COL23A1: variants seen among roughly 807,000 people sequenced by gnomAD.
The protein encoded by COL23A1 is collagen type XXIII alpha 1 chain.
COL23A1 carries 97 observed loss-of-function variants against 99.3 expected under a neutral mutation model. That is an observed-to-expected ratio of 0.98 (90% CI 0.83 to 1.16). COL23A1 has a LOEUF of 1.16. Ranked by LOEUF, COL23A1 falls within the 50% of genes most tolerant of loss-of-function variation. The pLI, the probability that COL23A1 is intolerant of heterozygous loss-of-function variation, is 0.00. For missense variants in COL23A1, 762 were observed against 757.4 expected (o/e 1.01, Z -0.07); for synonymous variants, 320 against 308.2 (o/e 1.04, Z -0.40).
At chr5:178,357,922 ATGTG>A (rs1219258271) in intron 2 of COL23A1, among the ~76,000 whole-genome samples, 18 of 97,722 alleles carry the variant, frequency 1.8e-4, no homozygotes, top group Middle Eastern at 8.3e-3. Flanking sequence ...GTGTATGTGT[ATGTG>A]TGTATGTGTA....
intron 2 of COL23A1, among the ~76,000 whole-genome samples, chr5:178,514,167 C>T (rs572759094): frequency 7.9e-5 from 12 of 152,336 alleles, no homozygotes; most frequent in Admixed American, 4.6e-4. Flanking sequence ...CTGTATTTGT[C>T]CTTCTGCGTC....
chr5:178,305,504 G>A (rs1323958357), intron 3 of COL23A1, among the ~76,000 whole-genome samples: 5 of 152,204 alleles, frequency 3.3e-5, no homozygotes, highest in Admixed American at 6.5e-5. Flanking sequence ...TCATTCGTTC[G>A]CTGTTCTGTG....
At chr5:178,563,057 A>C (rs1762682253) in intron 1 of COL23A1, among the ~76,000 whole-genome samples, 1 of 152,188 alleles carries the variant, frequency 6.6e-6, no homozygotes, top group South Asian at 2.1e-4. Context: ...ACCTCTCAAA[A>C]GCAATACCAG....
At chr5:178,282,252 G>A (rs1756939544) in intron 5 of COL23A1, among the ~76,000 whole-genome samples, 1 of 152,140 alleles carries the variant, frequency 6.6e-6, no homozygotes, top group African/African-American at 2.4e-5. Context: ...TAGGAGAGGA[G>A]GTGAAATGAA....
rs2913764 is a variant in COL23A1, at chr5:178,306,517, C to T, written c.406+358G>A. 0.68 allele frequency among the ~76,000 whole-genome samples: 101,789 copies of T among 150,776 alleles called. 35,045 individuals carry two copies. The highest frequency in any genetic ancestry group is 0.75 in the Non-Finnish European group (51,045 of 67,646). ...GGGAGGGATGAAACCCACAGGAGAA[C>T]CCGGTTGTGCTGAAGGACCCATGGG... On this transcript the variant is annotated intron_variant, in intron 3 of 28. Transcript: ENST00000390654. The surrounding 1 kb of genome is among the most constrained non-coding windows in gnomAD (Gnocchi z 4.1).
chr5:178,467,710 T>C (rs1561997405), intron 2 of COL23A1, among the ~76,000 whole-genome samples: 1 of 152,194 alleles, frequency 6.6e-6, no homozygotes. Flanking sequence ...CTAGTACTGA[T>C]TTAATTCTTT....
intron 2 of COL23A1, among the ~76,000 whole-genome samples, chr5:178,399,569 C>A (rs914281313): frequency 6.6e-6 from 1 of 152,146 alleles, no homozygotes; most frequent in African/African-American, 2.4e-5. Flanking sequence ...CGCCCCTGCA[C>A]GGGGGAAAGC....
At chr5:178,282,931 C>T (rs939011566) in intron 5 of COL23A1, among the ~76,000 whole-genome samples, 1 of 151,982 alleles carries the variant, frequency 6.6e-6, no homozygotes, top group Non-Finnish European at 1.5e-5. Context: ...AGTGCAGTGG[C>T]GTAATCTTGG....
At chr5:178,291,372 A>C (rs1204166736) in intron 3 of COL23A1, among the ~76,000 whole-genome samples, 1 of 152,224 alleles carries the variant, frequency 6.6e-6, no homozygotes, top group Non-Finnish European at 1.5e-5. Context: ...ACAGATCCTT[A>C]AGAGGACATT....
chr5:178,242,136 G>C lies in COL23A1; in HGVS notation c.1495-8C>G. On this transcript the variant is annotated splice_polypyrimidine_tract_variant and splice_region_variant and intron_variant, in intron 26 of 28. Coordinates refer to ENST00000390654, the MANE Select transcript of COL23A1 (RefSeq NM_173465.4). ...GGGGACCCCTCGTTCTCCCTGTGCA[G>C]GAGGGGAGATGGTGGTATTGGTCAT... 1 of 1,550,708 alleles carries C rather than the reference G, an allele frequency of 6.4e-7. No individual in the cohort carries two copies. The highest frequency in any genetic ancestry group is 2.4e-5 in the East Asian group (1 of 41,174).
intron 2 of COL23A1, among the ~76,000 whole-genome samples, chr5:178,386,114 T>C (rs1763655683): frequency 6.6e-6 from 1 of 152,280 alleles, no homozygotes; most frequent in South Asian, 2.1e-4. Context: ...GCTTCGTGTA[T>C]GTGGGTATGT....
chr5:178,442,595 G>T (rs10062293), intron 2 of COL23A1, among the ~76,000 whole-genome samples: 7,250 of 152,226 alleles, frequency 0.048, 564 homozygotes, highest in African/African-American at 0.16. Context: ...AACCCAGGGC[G>T]CCAAAGGGGC....
At chr5:178,559,083 C>A (rs1310666221) in intron 2 of COL23A1, among the ~76,000 whole-genome samples, 1 of 152,232 alleles carries the variant, frequency 6.6e-6, no homozygotes, top group African/African-American at 2.4e-5. Context: ...GGCCACCGCG[C>A]CCGGCCACAG....
rs1581696162 is a variant in COL23A1 at position 178,590,088 on chromosome 5, C to G, written c.110G>C (p.Ser37Thr). ...SATTAGSRAV[S>T]ALCLLLSVGS... ...CACGGAGAGCAGCAGGCACAGCGCG[C>G]TCACCGCCCGGGACCCGGCCGTCGT... Residue 37 changes from serine (S) to threonine (T), a missense_variant, in exon 1 of 29, where the codon AGC becomes ACC. Ser to Thr is a moderately conservative substitution (Grantham distance 58). Transcript: ENST00000390654. The surrounding 1 kb of genome is among the most constrained non-coding windows in gnomAD (Gnocchi z 5.7). The G allele has an allele frequency of 3.8e-6, 5 of 1,305,464 alleles. No individual in the cohort carries two copies. Among genetic ancestry groups the G allele is most frequent in the Non-Finnish European group, 4.9e-6 (5 of 1,023,582 alleles). 80.9% of individuals were successfully genotyped at this position (1,305,464 alleles called of 1,614,324 possible).
chr5:178,541,122 A>C (rs772809224), intron 2 of COL23A1, among the ~76,000 whole-genome samples: 1 of 152,220 alleles, frequency 6.6e-6, no homozygotes, highest in African/African-American at 2.4e-5. Flanking sequence ...TTAAAATAAC[A>C]GTATCGACAC....
At chr5:178,406,785 C>T (rs1764788513) in intron 2 of COL23A1, among the ~76,000 whole-genome samples, 1 of 152,164 alleles carries the variant, frequency 6.6e-6, no homozygotes, top group African/African-American at 2.4e-5. Context: ...GGAGAAAACA[C>T]ATATGATAGC....
At chr5:178,475,628 A>T (rs77257798) in intron 2 of COL23A1, among the ~76,000 whole-genome samples, 12,578 of 152,204 alleles carry the variant, frequency 0.083, 1,478 homozygotes, top group East Asian at 0.56. Context: ...AATTGCCATA[A>T]ACTCAGCAGC....
At chr5:178,578,100 CGCCCACATGCACACAT>C (rs1282259142) in intron 1 of COL23A1, among the ~76,000 whole-genome samples, 68 of 150,614 alleles carry the variant, frequency 4.5e-4, no homozygotes, top group African/African-American at 1.6e-3. Flanking sequence ...TGCATGCACA[CGCCCACATGCACACAT>C]TCATGCACAC....
At chr5:178,534,607 C>CCT (rs1760833238) in intron 2 of COL23A1, among the ~76,000 whole-genome samples, 1 of 152,118 alleles carries the variant, frequency 6.6e-6, no homozygotes, top group Non-Finnish European at 1.5e-5. Context: ...GGTGAAATTC[C>CCT]ATCTCTACTA....
Sources: gnomAD v4.1 joint callset for allele counts (sites outside exome capture counted in the v4.1 genomes callset) on GRCh38, gnomAD v4.1.1 for gene constraint, Gnocchi (gnomAD v3.1) non-coding constraint, MANE v1.5 for transcripts, NCBI Gene and HGNC (gene_info 2026-07-23, HGNC 2026-07-21) for gene names.